The following MAGI3 variants were observed in gnomAD, a reference collection of about 807,000 sequenced individuals.
MAGI3 encodes membrane associated guanylate kinase, WW and PDZ domain containing 3, also known as membrane-associated guanylate kinase, WW and PDZ domain-containing protein 3.
MAGI3 carries 43 observed loss-of-function variants against 121.8 expected under a neutral mutation model. That is an observed-to-expected ratio of 0.35 (90% CI 0.28 to 0.46). The LOEUF is 0.46. MAGI3 is among the 20% of genes least tolerant of loss of function. MAGI3 has a pLI of 1.00. For synonymous variants in MAGI3, 553 were observed against 639.3 expected (o/e 0.86, Z 2.04); for missense variants, 1,547 against 1,797.3 (o/e 0.86, Z 2.52).
chr1:113,449,687 G>C (rs1396355402), intron 1 of MAGI3: 1 of 795,934 alleles, frequency 1.3e-6, no homozygotes, highest in African/African-American at 1.7e-5. Flanking sequence ...GAAGAGGCGA[G>C]TCTGGTCTCA....
At chr1:113,664,315 C>T (rs762437384) in intron 16 of MAGI3, among the ~76,000 whole-genome samples, 36 of 152,182 alleles carry the variant, frequency 2.4e-4, no homozygotes, top group Non-Finnish European at 3.7e-4. Context: ...ACTGCTTGAC[C>T]GTTTTCCATG....
chr1:113,558,923 C>A (rs1386485836), intron 2 of MAGI3, among the ~76,000 whole-genome samples: 1 of 151,888 alleles, frequency 6.6e-6, no homozygotes, highest in Non-Finnish European at 1.5e-5. Context: ...ACATTACCAA[C>A]CCAGAATTTC....
intron 9 of MAGI3, among the ~76,000 whole-genome samples, chr1:113,630,661 C>T (rs1421581093): frequency 6.6e-6 from 1 of 152,190 alleles, no homozygotes; most frequent in African/African-American, 2.4e-5. Context: ...GGCTCTTGAG[C>T]AGGCAGGTGA....
At chr1:113,629,358 C>G (rs1375278572) in intron 9 of MAGI3, among the ~76,000 whole-genome samples, 3 of 152,082 alleles carry the variant, frequency 2.0e-5, no homozygotes, top group Non-Finnish European at 4.4e-5. Flanking sequence ...GTTGTTTTCT[C>G]AAAACAACTA....
At chr1:113,679,404 G>C (rs1371000154) in intron 19 of MAGI3, among the ~76,000 whole-genome samples, 1 of 152,116 alleles carries the variant, frequency 6.6e-6, no homozygotes, top group Non-Finnish European at 1.5e-5. Context: ...ATGGCCTCCA[G>C]CTCCATCCAT....
chr1:113,427,808 C>G (rs1653087139), intron 1 of MAGI3, among the ~76,000 whole-genome samples: 1 of 151,684 alleles, frequency 6.6e-6, no homozygotes. Context: ...TTTTCCAACG[C>G]TGCCTTTTTT....
intron 6 of MAGI3, among the ~76,000 whole-genome samples, chr1:113,608,532 C>G (rs770934458): frequency 6.6e-6 from 1 of 152,144 alleles, no homozygotes; most frequent in African/African-American, 2.4e-5. Context: ...TCTTTGGCCT[C>G]TGTGTTCAAC....
intron 1 of MAGI3, among the ~76,000 whole-genome samples, chr1:113,513,104 C>T (rs1228029563): frequency 6.6e-6 from 1 of 152,112 alleles, no homozygotes; most frequent in Non-Finnish European, 1.5e-5. Flanking sequence ...GAACTACAAA[C>T]CACTGCTCAA....
At chr1:113,591,863 A>T (rs1329329329) in intron 5 of MAGI3, among the ~76,000 whole-genome samples, 1 of 152,194 alleles carries the variant, frequency 6.6e-6, no homozygotes, top group Non-Finnish European at 1.5e-5. Context: ...TCACCCTGCA[A>T]ACAGGGCTAA....
chr1:113,652,082 A>G (rs1404077041), intron 14 of MAGI3, among the ~76,000 whole-genome samples: 2 of 152,240 alleles, frequency 1.3e-5, no homozygotes, highest in African/African-American at 2.4e-5. Flanking sequence ...GGTAAGAGGT[A>G]GGGCCTGGAT....
chr1:113,550,818 G>T (rs1659754937), intron 2 of MAGI3, among the ~76,000 whole-genome samples: 1 of 150,326 alleles, frequency 6.7e-6, no homozygotes, highest in Non-Finnish European at 1.5e-5. Context: ...TTGTTAACTA[G>T]ATTTTATTCC....
intron 1 of MAGI3, among the ~76,000 whole-genome samples, chr1:113,465,052 A>G (rs1345631084): frequency 6.6e-6 from 1 of 152,080 alleles, no homozygotes; most frequent in African/African-American, 2.4e-5. Context: ...TCGACATCCT[A>G]CACAGAAAAT....
At chr1:113,508,736 A>G (rs1657468312) in intron 1 of MAGI3, among the ~76,000 whole-genome samples, 1 of 152,206 alleles carries the variant, frequency 6.6e-6, no homozygotes. Flanking sequence ...TTCCCTAATG[A>G]AAGAATGGAG....
chr1:113,567,511 T>A (rs2101697723), intron 2 of MAGI3, among the ~76,000 whole-genome samples: 1 of 152,076 alleles, frequency 6.6e-6, no homozygotes, highest in South Asian at 2.1e-4. Context: ...GACACAAAAA[T>A]TCTAAAGAAA....
intron 1 of MAGI3, among the ~76,000 whole-genome samples, chr1:113,532,048 C>A (rs1462012318): frequency 6.6e-6 from 1 of 151,966 alleles, no homozygotes; most frequent in Non-Finnish European, 1.5e-5. Context: ...TTATAATATA[C>A]CATAATACAA....
At chr1:113,529,886 A>T (rs1658625187) in intron 1 of MAGI3, among the ~76,000 whole-genome samples, 1 of 152,168 alleles carries the variant, frequency 6.6e-6, no homozygotes, top group African/African-American at 2.4e-5. Context: ...GAAAATGTTT[A>T]TTAAAATATT....
intron 6 of MAGI3, among the ~76,000 whole-genome samples, chr1:113,602,427 T>C (rs1649462746): frequency 6.6e-6 from 1 of 152,070 alleles, no homozygotes; most frequent in Admixed American, 6.6e-5. Context: ...ATGATAATAG[T>C]GACATAAGTT....
chr1:113,462,966 G>GA (rs1359292667), intron 1 of MAGI3, among the ~76,000 whole-genome samples: 1 of 152,058 alleles, frequency 6.6e-6, no homozygotes, highest in Admixed American at 6.6e-5. Context: ...GAGTCCAATG[G>GA]ACCCATATGG....
chr1:113,484,881 C>T (rs952181537), intron 1 of MAGI3, among the ~76,000 whole-genome samples: 7 of 151,380 alleles, frequency 4.6e-5, no homozygotes, highest in East Asian at 2.0e-4. Context: ...TGCGCCACCA[C>T]GCCCAGCTAA....
Sources: gnomAD v4.1 joint callset for allele counts (sites outside exome capture counted in the v4.1 genomes callset) on GRCh38, gnomAD v4.1.1 for gene constraint, MANE v1.5 for transcripts, NCBI Gene and HGNC (gene_info 2026-07-23, HGNC 2026-07-21) for gene names.